The following INPP4B variants were observed in gnomAD, a reference collection of about 807,000 sequenced individuals.
INPP4B encodes the protein inositol polyphosphate-4-phosphatase type II B, also known as inositol polyphosphate 4-phosphatase type II.
Under a neutral mutation model 122.5 loss-of-function variants are expected in INPP4B, and 55 were observed. That is an observed-to-expected ratio of 0.45 (90% confidence interval 0.36 to 0.56). The LOEUF (loss-of-function observed/expected upper bound fraction) is 0.56. INPP4B is among the 20% of genes least tolerant of loss of function. The pLI, the probability that INPP4B is intolerant of heterozygous loss-of-function variation, is 0.00. For missense variants in INPP4B, 1,000 were observed against 1,097.7 expected, an observed-to-expected ratio of 0.91 and a Z score of 1.26; for synonymous variants, 403 against 388.7, an observed-to-expected ratio of 1.04 and a Z score of -0.43.
At chr4:142,737,782 T>A (rs1400815666) in intron 1 of INPP4B, among the ~76,000 whole-genome samples, 1 of 151,746 alleles carries the variant, frequency 6.6e-6, no homozygotes, top group East Asian at 1.9e-4. Flanking sequence ...AACAACCCCA[T>A]CAAAAAGTGA....
intron 7 of INPP4B, among the ~76,000 whole-genome samples, chr4:142,389,687 C>T (rs1797079094): frequency 6.6e-6 from 1 of 152,142 alleles, no homozygotes; most frequent in Non-Finnish European, 1.5e-5. Context: ...AGAGTCAGAC[C>T]TCACCTGCAC....
chr4:142,390,816 G>A (rs1797441832), intron 7 of INPP4B, among the ~76,000 whole-genome samples: 1 of 152,096 alleles, frequency 6.6e-6, no homozygotes, highest in East Asian at 1.9e-4. Context: ...CGACTATTTA[G>A]AGTCATTTCC....
chr4:142,775,197 A>G (rs1304681649), intron 1 of INPP4B, among the ~76,000 whole-genome samples: 1 of 152,068 alleles, frequency 6.6e-6, no homozygotes, highest in Non-Finnish European at 1.5e-5. Context: ...GACCTTGATC[A>G]TTCAGTGAGA....
At chr4:142,764,842 G>A (rs1013789226) in intron 1 of INPP4B, among the ~76,000 whole-genome samples, 1 of 151,986 alleles carries the variant, frequency 6.6e-6, no homozygotes. Context: ...GTTAAGGCTA[G>A]ACCATCGAGG....
At chr4:142,651,222 T>A (rs962621226) in intron 2 of INPP4B, among the ~76,000 whole-genome samples, 1 of 152,116 alleles carries the variant, frequency 6.6e-6, no homozygotes, top group African/African-American at 2.4e-5. Context: ...GCTAAAGCCA[T>A]GTTTGGAGGA....
chr4:142,574,758 C>T (rs1208141211), intron 2 of INPP4B, among the ~76,000 whole-genome samples: 2 of 152,082 alleles, frequency 1.3e-5, no homozygotes, highest in Admixed American at 6.6e-5. Context: ...GCTTCTTATA[C>T]AGCACTTACT....
At chr4:142,402,005 T>A (rs1258815881) in intron 7 of INPP4B, among the ~76,000 whole-genome samples, 1 of 152,166 alleles carries the variant, frequency 6.6e-6, no homozygotes, top group African/African-American at 2.4e-5. Context: ...GAAGAGAAAG[T>A]CATGAGCAAA....
intron 18 of INPP4B, among the ~76,000 whole-genome samples, chr4:142,143,290 T>A (rs1466568918): frequency 1.3e-5 from 2 of 152,018 alleles, no homozygotes; most frequent in Non-Finnish European, 2.9e-5. Context: ...CTATTTACTA[T>A]CTTCCTAAAA....
At chr4:142,564,451 A>AAGAAAGAAAGAAAG (rs754667684) in intron 2 of INPP4B, among the ~76,000 whole-genome samples, 1 of 131,696 alleles carries the variant, frequency 7.6e-6, no homozygotes, top group Non-Finnish European at 1.6e-5. Context: ...AAAAAAAAAA[A>AAGAAAGAAAGAAAG]AAAGAAAGAA....
chr4:142,833,567 C>T (rs1022929809), intron 1 of INPP4B, among the ~76,000 whole-genome samples: 1 of 151,416 alleles, frequency 6.6e-6, no homozygotes, highest in African/African-American at 2.4e-5. Context: ...TATTACAAAT[C>T]TGTGAAATGG....
intron 1 of INPP4B, among the ~76,000 whole-genome samples, chr4:142,738,986 G>C (rs531210688): frequency 1.3e-5 from 2 of 152,044 alleles, no homozygotes; most frequent in Non-Finnish European, 2.9e-5. Flanking sequence ...CTGTCCTGAA[G>C]AAGTTCCAGA....
At chr4:142,738,038 G>A (rs1767248560) in intron 1 of INPP4B, among the ~76,000 whole-genome samples, 1 of 152,172 alleles carries the variant, frequency 6.6e-6, no homozygotes, top group Non-Finnish European at 1.5e-5. Context: ...AACCATTGTG[G>A]AAGTCAGTGT....
intron 8 of INPP4B, among the ~76,000 whole-genome samples, chr4:142,310,278 T>G (rs958209207): frequency 6.6e-6 from 1 of 152,160 alleles, no homozygotes; most frequent in Non-Finnish European, 1.5e-5. Context: ...AAATGCACAC[T>G]GAATTTAGAA....
At chr4:142,721,131 G>A (rs1183632291) in intron 2 of INPP4B, among the ~76,000 whole-genome samples, 1 of 151,766 alleles carries the variant, frequency 6.6e-6, no homozygotes, top group Non-Finnish European at 1.5e-5. Flanking sequence ...ATCTGCTAAA[G>A]CCTTAAAGGA....
chr4:142,212,615 A>G (rs1235824833), intron 12 of INPP4B, among the ~76,000 whole-genome samples: 1 of 152,096 alleles, frequency 6.6e-6, no homozygotes, highest in East Asian at 1.9e-4. Flanking sequence ...GTCTATTGTC[A>G]TGAGGAACAC....
chr4:142,432,884 G>A (rs1029275487), intron 3 of INPP4B, among the ~76,000 whole-genome samples: 1 of 152,090 alleles, frequency 6.6e-6, no homozygotes, highest in East Asian at 1.9e-4. Context: ...AATAATTAAT[G>A]AAATAAATAT....
intron 25 of INPP4B, among the ~76,000 whole-genome samples, chr4:142,041,642 A>C (rs1170267321): frequency 6.0e-5 from 9 of 151,164 alleles, no homozygotes; most frequent in Admixed American, 2.0e-4. Context: ...ACTACTAATA[A>C]TAATATCCCT....
At chr4:142,759,998 CCT>C (rs1362167179) in intron 1 of INPP4B, among the ~76,000 whole-genome samples, 1 of 151,896 alleles carries the variant, frequency 6.6e-6, no homozygotes, top group African/African-American at 2.4e-5. Flanking sequence ...TAAGAAAAGT[CCT>C]CTGATTTTCT....
chr4:142,299,318 C>T (rs556969402), intron 9 of INPP4B, among the ~76,000 whole-genome samples: 1 of 144,724 alleles, frequency 6.9e-6, no homozygotes, highest in East Asian at 2.1e-4. Context: ...TGCGCCATCA[C>T]ACCCAGCTAA....
Sources: allele counts gnomAD v4.1 joint callset (sites outside exome capture counted in the v4.1 genomes callset), GRCh38; gene constraint gnomAD v4.1.1; transcripts MANE v1.5; gene names NCBI Gene and HGNC (gene_info 2026-07-23, HGNC 2026-07-21).